Variants in PRR16 observed in about 807,000 individuals in gnomAD.
PRR16 encodes proline rich 16, also known as protein Largen.
PRR16 carries 6 observed loss-of-function variants against 18.2 expected under a neutral mutation model. That is an observed-to-expected ratio of 0.33 (90% CI 0.18 to 0.65). The LOEUF is 0.65. Ranked by LOEUF, PRR16 falls within the 30% of genes least tolerant of loss-of-function variation. The probability of loss-of-function intolerance (pLI) is 0.74; values close to 1 mark genes in which losing one functional copy is unlikely to be tolerated. For synonymous variants in PRR16, 151 were observed against 147.8 expected (o/e 1.02, Z -0.16); for missense variants, 412 against 376.6 (o/e 1.09, Z -0.78).
At chr5:120,581,220 G>A (rs1422675172) in intron 1 of PRR16, among the ~76,000 whole-genome samples, 16 of 151,980 alleles carry the variant, frequency 1.1e-4, no homozygotes, top group Non-Finnish European at 8.8e-5. Flanking sequence ...GTCTATTCAG[G>A]GATTCAACTT....
intron 1 of PRR16, among the ~76,000 whole-genome samples, chr5:120,671,555 G>A (rs1047259535): frequency 2.6e-5 from 4 of 152,048 alleles, no homozygotes; most frequent in Non-Finnish European, 1.5e-5. Context: ...TTAATATTGT[G>A]CATAGATACT....
At chr5:120,697,909 C>A in the PRR16 span, among the ~76,000 whole-genome samples, 1 of 151,982 alleles carries the variant, frequency 6.6e-6, no homozygotes, top group African/African-American at 2.4e-5. Context: ...GGTGGAATGT[C>A]ATCAGTTAAG....
the PRR16 span, among the ~76,000 whole-genome samples, chr5:120,743,186 C>A: frequency 1.3e-5 from 2 of 152,048 alleles, no homozygotes; most frequent in African/African-American, 4.8e-5. Context: ...ATATTTTCTT[C>A]TAATGTATTT....
Position 120,645,337 on chromosome 5 carries a change from T to TAC in PRR16, c.160-40603_160-40602dup, listed in dbSNP as rs111616442. Among the ~76,000 whole-genome samples the TAC allele has an allele frequency of 2.2e-3, 336 of 149,870 alleles. 4 individuals carry two copies. Among genetic ancestry groups the TAC allele is most frequent in the Middle Eastern group, 0.01 (3 of 290 alleles). On this transcript the variant is annotated intron_variant, in intron 1 of 1. Transcript: ENST00000407149. ...TTGGTTACACACACAGACACATGCA[T>TAC]ACACACACACACACAGACATGCACA...
At chr5:120,494,844 T>G (rs1394204038) in intron 1 of PRR16, among the ~76,000 whole-genome samples, 2 of 152,116 alleles carry the variant, frequency 1.3e-5, no homozygotes, top group African/African-American at 2.4e-5. Context: ...GTGAAAAAAC[T>G]AGCTTTCTTC....
chr5:120,703,141 C>T, the PRR16 span, among the ~76,000 whole-genome samples: 1 of 152,022 alleles, frequency 6.6e-6, no homozygotes, highest in Non-Finnish European at 1.5e-5. Flanking sequence ...GGGGTTTGTT[C>T]TCTGGCGGGC....
chr5:120,765,118 A>AT, the PRR16 span, among the ~76,000 whole-genome samples: 1 of 151,922 alleles, frequency 6.6e-6, no homozygotes, highest in African/African-American at 2.4e-5. Flanking sequence ...ATAACACCAT[A>AT]AAAGAGAACA....
intron 1 of PRR16, among the ~76,000 whole-genome samples, chr5:120,620,025 C>A (rs1013834981): frequency 6.6e-6 from 1 of 151,864 alleles, no homozygotes; most frequent in African/African-American, 2.4e-5. Context: ...GTTATTAGAG[C>A]GGAGCTAAAA....
At chr5:120,569,836 G>T (rs916862496) in intron 1 of PRR16, among the ~76,000 whole-genome samples, 3 of 152,128 alleles carry the variant, frequency 2.0e-5, no homozygotes, top group East Asian at 1.9e-4. Flanking sequence ...GGGAACATCT[G>T]AGTAAAGGGT....
chr5:120,575,318 A>AACACACACACACACACACACACAC (rs3047956), intron 1 of PRR16, among the ~76,000 whole-genome samples: 10 of 138,164 alleles, frequency 7.2e-5, no homozygotes, highest in Non-Finnish European at 1.1e-4. Context: ...CAGACAAGGA[A>AACACACACACACACACACACACAC]ACACACACAC....
chr5:120,665,395 C>G (rs1756333793), intron 1 of PRR16, among the ~76,000 whole-genome samples: 1 of 151,844 alleles, frequency 6.6e-6, no homozygotes. Context: ...AATTTTCTCC[C>G]ATTCTGTAGG....
chr5:120,694,682 C>CA, the PRR16 span, among the ~76,000 whole-genome samples: 15,373 of 115,894 alleles, frequency 0.13, 995 homozygotes, highest in Non-Finnish European at 0.17. Flanking sequence ...GACTCCGTCT[C>CA]AAAAAAAAAA....
the PRR16 span, among the ~76,000 whole-genome samples, chr5:120,760,104 T>G: frequency 6.6e-6 from 1 of 152,128 alleles, no homozygotes; most frequent in East Asian, 1.9e-4. Flanking sequence ...GTAAGTTAAT[T>G]TTGATATTAC....
intron 1 of PRR16, among the ~76,000 whole-genome samples, chr5:120,672,016 A>T (rs948803447): frequency 3.3e-5 from 5 of 152,194 alleles, no homozygotes; most frequent in Non-Finnish European, 4.4e-5. Flanking sequence ...CTTATTCTAG[A>T]CATAAATGCC....
intron 1 of PRR16, among the ~76,000 whole-genome samples, chr5:120,598,690 T>A (rs549000315): frequency 5.3e-5 from 8 of 152,042 alleles, no homozygotes; most frequent in Admixed American, 3.3e-4. Context: ...AGTATTTGGT[T>A]TTCCGTTTGT....
chr5:120,497,676 A>G (rs2112837757), intron 1 of PRR16, among the ~76,000 whole-genome samples: 1 of 152,160 alleles, frequency 6.6e-6, no homozygotes. Flanking sequence ...GGCGTGAGCC[A>G]CAGCTCCCGG....
intron 1 of PRR16, among the ~76,000 whole-genome samples, chr5:120,653,310 A>G (rs967481235): frequency 6.7e-6 from 1 of 148,950 alleles, no homozygotes; most frequent in Non-Finnish European, 1.5e-5. Flanking sequence ...AAAAAAAAAA[A>G]GTATTTTTTC....
intron 1 of PRR16, among the ~76,000 whole-genome samples, chr5:120,611,050 G>A (rs569824101): frequency 1.3e-5 from 2 of 152,302 alleles, no homozygotes; most frequent in African/African-American, 4.8e-5. Context: ...CTGGAATAAA[G>A]GTGGCTCTTG....
intron 1 of PRR16, among the ~76,000 whole-genome samples, chr5:120,612,442 T>A (rs1754365997): frequency 6.6e-6 from 1 of 152,142 alleles, no homozygotes; most frequent in African/African-American, 2.4e-5. Context: ...AATTCCCCCA[T>A]GGTGTGGGAG....
Sources: allele counts gnomAD v4.1 joint callset (sites outside exome capture counted in the v4.1 genomes callset), GRCh38; gene constraint gnomAD v4.1.1; transcripts MANE v1.5; gene names NCBI Gene and HGNC (gene_info 2026-07-23, HGNC 2026-07-21).